The following EXOC4 variants were observed in gnomAD, a reference collection of about 807,000 sequenced individuals.
The protein encoded by EXOC4 is exocyst complex component 4.
EXOC4 carries 71 observed loss-of-function variants against 107.2 expected under a neutral mutation model. The observed-to-expected ratio is 0.66, with a 90% confidence interval of 0.55 to 0.81. The LOEUF (loss-of-function observed/expected upper bound fraction) is 0.81. Among genes scored for constraint, EXOC4 ranks in the 30% least tolerant of loss-of-function variants. The probability of loss-of-function intolerance (pLI) is 0.00; values close to 1 mark genes in which losing one functional copy is unlikely to be tolerated. For synonymous variants in EXOC4, 456 were observed against 441.2 expected, an observed-to-expected ratio of 1.03 and a Z score of -0.42; for missense variants, 1,108 against 1,189.6, an observed-to-expected ratio of 0.93 and a Z score of 1.01.
chr7:133,796,094 A>C (rs1796807833), intron 10 of EXOC4, among the ~76,000 whole-genome samples: 1 of 152,140 alleles, frequency 6.6e-6, no homozygotes. Context: ...AATTCTTATG[A>C]TTGGGTCTTA....
intron 4 of EXOC4, 94 bp downstream of exon 4, chr7:133,306,155 C>A: frequency 9.0e-7 from 1 of 1,113,574 alleles, no homozygotes; most frequent in Non-Finnish European, 1.3e-6. Context: ...ATTTATTTTA[C>A]TTTTCCTTTA....
At chr7:133,965,673 C>T (rs1484378338) in intron 14 of EXOC4, among the ~76,000 whole-genome samples, 1 of 152,016 alleles carries the variant, frequency 6.6e-6, no homozygotes, top group Non-Finnish European at 1.5e-5. Flanking sequence ...TGTTCTGTTC[C>T]ATTGGTCTAT....
chr7:134,007,495 C>G (rs972804694), intron 16 of EXOC4, among the ~76,000 whole-genome samples, 181 bp from the exon 17 acceptor site: 2 of 152,178 alleles, frequency 1.3e-5, no homozygotes, highest in Non-Finnish European at 2.9e-5. Context: ...ACTACTAGGA[C>G]AATGTAGAAA....
Position 134,052,478 on chromosome 7 carries a change from A to AT in EXOC4, c.2688-11801dup, listed in dbSNP as rs142514193. ...CTTCTGAGTCAAGAGGGAAGGACTG[A>AT]TTTTTTTTTTTTAATGTATGTCAGC... On this transcript the variant is annotated intron_variant, in intron 17 of 17. Transcript: ENST00000253861. Among the ~76,000 whole-genome samples the AT allele has an allele frequency of 4.5e-3, 665 of 147,584 alleles. 5 individuals are homozygous for AT. The highest frequency in any genetic ancestry group is 0.015 in the Middle Eastern group (4 of 274).
chr7:133,714,322 C>T (rs1794956329), intron 10 of EXOC4, among the ~76,000 whole-genome samples: 1 of 152,106 alleles, frequency 6.6e-6, no homozygotes, highest in Non-Finnish European at 1.5e-5. Context: ...GAGAGGTCAC[C>T]TTGGATGTTT....
intron 13 of EXOC4, among the ~76,000 whole-genome samples, chr7:133,936,753 G>A (rs967870133): frequency 3.3e-5 from 5 of 152,060 alleles, no homozygotes; most frequent in Non-Finnish European, 5.9e-5. Context: ...TCCGCCTCCC[G>A]GGTTCAAGCG....
At chr7:133,810,756 G>T (rs972056836) in intron 10 of EXOC4, among the ~76,000 whole-genome samples, 3 of 151,870 alleles carry the variant, frequency 2.0e-5, no homozygotes, top group African/African-American at 7.2e-5. Flanking sequence ...CTTGTTTCCC[G>T]AGTAGCTGGG....
intron 17 of EXOC4, among the ~76,000 whole-genome samples, chr7:134,036,439 T>A (rs1355785402): frequency 6.6e-6 from 1 of 151,986 alleles, no homozygotes; most frequent in African/African-American, 2.4e-5. Context: ...AATACAAAAA[T>A]TATCTGGGTG....
intron 11 of EXOC4, among the ~76,000 whole-genome samples, chr7:133,830,869 A>G (rs1250638425): frequency 6.6e-6 from 1 of 152,188 alleles, no homozygotes; most frequent in Non-Finnish European, 1.5e-5. Context: ...GCTGTTCGGG[A>G]TACCACAATA....
At chr7:133,875,524 T>C (rs906052993) in intron 11 of EXOC4, among the ~76,000 whole-genome samples, 2 of 152,176 alleles carry the variant, frequency 1.3e-5, no homozygotes, top group African/African-American at 2.4e-5. Context: ...GCCCACGAAC[T>C]GTCTCTTGGC....
At chr7:133,512,036 C>G (rs536389113) in intron 9 of EXOC4, among the ~76,000 whole-genome samples, 1 of 152,196 alleles carries the variant, frequency 6.6e-6, no homozygotes, top group Admixed American at 6.5e-5. Flanking sequence ...GGATCCTACT[C>G]TCCTGGAGAT....
intron 11 of EXOC4, among the ~76,000 whole-genome samples, chr7:133,841,806 C>T (rs1798029598): frequency 6.6e-6 from 1 of 152,084 alleles, no homozygotes; most frequent in African/African-American, 2.4e-5. Context: ...CAGTCCTCAC[C>T]CTCTTCCCAC....
chr7:133,927,047 T>C (rs574997795), intron 13 of EXOC4, among the ~76,000 whole-genome samples: 1 of 151,890 alleles, frequency 6.6e-6, no homozygotes, highest in Non-Finnish European at 1.5e-5. Flanking sequence ...CCTCTTAGTA[T>C]GCTAAGAGGT....
chr7:133,647,567 G>A lies in EXOC4; in HGVS notation c.1514+17426G>A, dbSNP rs375884546. ...GGCTAGGATCAAACCTAGACAGAAG[G>A]ACCCTAGAGCCCCAACTCTTACCTC... On this transcript the variant is annotated intron_variant, in intron 10 of 17. Transcript: ENST00000253861. Among the ~76,000 whole-genome samples, 5 of 152,040 alleles carry A rather than the reference G, an allele frequency of 3.3e-5. No homozygotes were observed. The East Asian group carries it at 7.7e-4, about 24-fold the overall frequency.
intron 14 of EXOC4, among the ~76,000 whole-genome samples, chr7:133,955,493 A>G (rs1800796633): frequency 6.6e-6 from 1 of 152,082 alleles, no homozygotes; most frequent in African/African-American, 2.4e-5. Context: ...TGGGCTTCAG[A>G]GGGGAGGAAG....
At chr7:133,441,378 G>A (rs1454803863) in intron 7 of EXOC4, among the ~76,000 whole-genome samples, 2 of 152,064 alleles carry the variant, frequency 1.3e-5, no homozygotes, top group Non-Finnish European at 2.9e-5. Flanking sequence ...TATGGAGCAA[G>A]GGTTTCTAAT....
Position 133,756,905 on chromosome 7 carries a change from G to A in EXOC4, c.1515-60420G>A, listed in dbSNP as rs542165990. On this transcript the variant is annotated intron_variant, in intron 10 of 17. Transcript: ENST00000253861. ...TATTTAGTTTAGGAGAATCGCTGTT[G>A]TCAAAGATGGTGACTCTGGAAATGC... 3.3e-5 allele frequency among the ~76,000 whole-genome samples: 5 copies of A among 152,290 alleles called. No individual in the cohort carries two copies. In the East Asian group the frequency reaches 9.6e-4, roughly 29 times the overall value.
intron 9 of EXOC4, among the ~76,000 whole-genome samples, chr7:133,539,270 C>T (rs189418356): frequency 5.3e-5 from 8 of 150,836 alleles, no homozygotes; most frequent in Admixed American, 3.3e-4. Flanking sequence ...TGTGATGCTT[C>T]GATTTGGTAT....
At chr7:133,785,838 A>G (rs1796557933) in intron 10 of EXOC4, among the ~76,000 whole-genome samples, 1 of 151,996 alleles carries the variant, frequency 6.6e-6, no homozygotes, top group Non-Finnish European at 1.5e-5. Context: ...ATGCCCGGCT[A>G]ATTTTTTGTA....
Sources: gnomAD v4.1 joint callset for allele counts (sites outside exome capture counted in the v4.1 genomes callset) on GRCh38, gnomAD v4.1.1 for gene constraint, MANE v1.5 for transcripts, NCBI Gene and HGNC (gene_info 2026-07-23, HGNC 2026-07-21) for gene names.